DZANK1: variants seen among roughly 807,000 people sequenced by gnomAD.
DZANK1 encodes the protein double zinc ribbon and ankyrin repeat-containing protein 1.
A neutral mutation model predicts 94.5 loss-of-function variants in DZANK1; 91 were observed. That is an observed-to-expected ratio of 0.96 (90% CI 0.81 to 1.15). The LOEUF (loss-of-function observed/expected upper bound fraction) is 1.15. Among genes scored for constraint, DZANK1 ranks in the 50% most tolerant of loss-of-function variants. The pLI is 0.00. For missense variants in DZANK1, 903 were observed against 916.4 expected, an observed-to-expected ratio of 0.99 and a Z score of 0.19; for synonymous variants, 312 against 325.3, an observed-to-expected ratio of 0.96 and a Z score of 0.44.
intron 1 of DZANK1, among the ~76,000 whole-genome samples, chr20:18,465,678 A>G (rs1193133237): frequency 6.6e-6 from 1 of 152,212 alleles, no homozygotes; most frequent in Non-Finnish European, 1.5e-5. Flanking sequence ...AACAGAGACT[A>G]TCACTAACGC....
At chr20:18,423,890 CA>C (rs1474994872) in intron 10 of DZANK1, among the ~76,000 whole-genome samples, 38 of 149,824 alleles carry the variant, frequency 2.5e-4, no homozygotes, top group African/African-American at 8.5e-4. Flanking sequence ...AAAAGAAAAT[CA>C]GATTAAACCC....
rs777535725 is a variant in DZANK1, at chr20:18,394,245, A to G, written c.1708+9T>C. 2.5e-6 allele frequency: 4 copies of G among 1,611,420 alleles called. No homozygotes were observed. The highest frequency in any genetic ancestry group is 2.2e-5 in the East Asian group (1 of 44,870). ...GTTGTTTTAAAATTGCCAGAAGGGA[A>G]TAACTCACCCCAGCTGGACCTGCTG... is the stretch of plus-strand genomic sequence containing the variant. On this transcript the variant is annotated intron_variant, in intron 16 of 20. Transcript: ENST00000262547.
chr20:18,449,755 C>CAAA (rs55784090), intron 6 of DZANK1, among the ~76,000 whole-genome samples: 25 of 99,054 alleles, frequency 2.5e-4, no homozygotes, highest in African/African-American at 1.0e-3. Context: ...GACTCTGTCT[C>CAAA]AAAAAAAAAA....
chr20:18,432,763 T>C (rs2058333897), intron 9 of DZANK1: 1 of 152,340 alleles, frequency 6.6e-6, no homozygotes, highest in Admixed American at 6.5e-5. Flanking sequence ...TATTTTATCC[T>C]CTAGTGACCT....
chr20:18,385,530 G>A (rs557237737), intron 19 of DZANK1, among the ~76,000 whole-genome samples: 28 of 151,700 alleles, frequency 1.8e-4, no homozygotes, highest in South Asian at 1.5e-3. Flanking sequence ...ATTCTCCTGC[G>A]TCAGCCTCCC....
At chr20:18,449,023 G>A (rs892327507) in exon 7 of DZANK1, 22 of 1,613,696 alleles carry the variant, frequency 1.4e-5, no homozygotes, top group African/African-American at 1.1e-4. Context: ...CATTATCTCC[G>A]TGCTTGTCAA....
chr20:18,422,763 T>C (rs1206201111), intron 10 of DZANK1, among the ~76,000 whole-genome samples: 1 of 151,086 alleles, frequency 6.6e-6, no homozygotes, highest in African/African-American at 2.4e-5. Context: ...TATAGCTTTA[T>C]AGTAGCTCAG....
intron 13 of DZANK1, among the ~76,000 whole-genome samples, chr20:18,410,571 A>G (rs919801057): frequency 6.6e-6 from 1 of 152,226 alleles, no homozygotes; most frequent in Non-Finnish European, 1.5e-5. Flanking sequence ...CAACTTTATC[A>G]ATAATAACAT....
chr20:18,453,953 G>A (rs780261146), intron 4 of DZANK1, 126 bp from the exon 5 acceptor site: 3 of 784,282 alleles, frequency 3.8e-6, no homozygotes, highest in Non-Finnish European at 6.9e-6. Context: ...TTTGTACAAA[G>A]TGACCCCTGT....
chr20:18,398,608 A>C, exon 14 of DZANK1: 1 of 1,614,024 alleles, frequency 6.2e-7, no homozygotes, highest in Non-Finnish European at 8.5e-7. Context: ...GATGTGATCC[A>C]GCTGTCTTCT....
intron 4 of DZANK1, chr20:18,454,076 C>A (rs1400753382): frequency 1.8e-6 from 1 of 568,638 alleles, no homozygotes; most frequent in Admixed American, 2.2e-5. Context: ...AGGCAGGGAG[C>A]AGCACATGCA....
chr20:18,460,449 G>T, intron 2 of DZANK1, 143 bp from the exon 3 acceptor site: 1 of 685,558 alleles, frequency 1.5e-6, no homozygotes, highest in Non-Finnish European at 2.2e-6. Flanking sequence ...TTGTGACTTA[G>T]GACAGGCATG....
chr20:18,451,443 T>A (rs1286385020), intron 6 of DZANK1, among the ~76,000 whole-genome samples: 1 of 152,206 alleles, frequency 6.6e-6, no homozygotes, highest in Non-Finnish European at 1.5e-5. Context: ...CCTCCTCCCC[T>A]GCTCAACCTC....
At chr20:18,434,958 G>A (rs940330802) in intron 8 of DZANK1, among the ~76,000 whole-genome samples, 1 of 152,154 alleles carries the variant, frequency 6.6e-6, no homozygotes, top group African/African-American at 2.4e-5. Flanking sequence ...GGAGTTCCAG[G>A]AGGTAATTCA....
chr20:18,438,301 T>C (rs991746907), intron 8 of DZANK1, among the ~76,000 whole-genome samples: 4 of 141,002 alleles, frequency 2.8e-5, no homozygotes, highest in African/African-American at 7.9e-5. Flanking sequence ...ATGATACAAA[T>C]AGCAAATAGC....
rs562226827 is a variant in DZANK1 at position 18,396,708 on chromosome 20, C to T, written c.1537-162G>A. Among the ~76,000 whole-genome samples, 13 of 152,186 alleles carry T rather than the reference C, an allele frequency of 8.5e-5. No individual in the cohort carries two copies. The East Asian group carries it at 1.9e-3, about 23-fold the overall frequency. ...GAAAAACAGAGCAACAAAAACTAGA[C>T]GAGATAAATAGAAAACAAAGAACAA... On this transcript the variant is annotated intron_variant, in intron 14 of 20. Coordinates refer to ENST00000262547, the Ensembl canonical transcript of DZANK1.
chr20:18,426,393 T>C (rs916858737), intron 10 of DZANK1, among the ~76,000 whole-genome samples: 1 of 151,152 alleles, frequency 6.6e-6, no homozygotes, highest in African/African-American at 2.5e-5. Context: ...ATAACCACAT[T>C]GTCCAGTTTC....
chr20:18,455,467 T>C (rs2148780090), intron 3 of DZANK1, 106 bp from the exon 4 acceptor site: 1 of 725,996 alleles, frequency 1.4e-6, no homozygotes, highest in Non-Finnish European at 2.3e-6. Context: ...AGCTACTAAA[T>C]TTATTGTATT....
At chr20:18,450,822 G>A (rs529032431) in intron 6 of DZANK1, among the ~76,000 whole-genome samples, 176 of 152,312 alleles carry the variant, frequency 1.2e-3, no homozygotes, top group African/African-American at 3.9e-3. Context: ...GATGCCAAAA[G>A]TCCAAATTGG....
Sources: gnomAD v4.1 joint callset for allele counts (sites outside exome capture counted in the v4.1 genomes callset) on GRCh38, gnomAD v4.1.1 for gene constraint, MANE v1.5 for transcripts, NCBI Gene and HGNC (gene_info 2026-07-23, HGNC 2026-07-21) for gene names.